Variants in DLG2 observed in about 807,000 individuals in gnomAD.
DLG2 encodes disks large homolog 2.
In DLG2, 45 loss-of-function variants were observed where a neutral mutation model predicts 132.5. The ratio of observed to expected loss-of-function variants is 0.34; its 90% CI spans 0.27 to 0.44. The LOEUF is 0.44. Ranked by LOEUF, DLG2 falls within the 20% of genes least tolerant of loss-of-function variation. DLG2 has a pLI of 1.00. For synonymous variants in DLG2, 424 were observed against 419.6 expected, an observed-to-expected ratio of 1.01 and a Z score of -0.13; for missense variants, 1,045 against 1,196.9, an observed-to-expected ratio of 0.87 and a Z score of 1.87.
At chr11:84,347,527 C>T (rs2098544434) in intron 7 of DLG2, among the ~76,000 whole-genome samples, 2 of 152,034 alleles carry the variant, frequency 1.3e-5, no homozygotes, top group Non-Finnish European at 1.5e-5. Flanking sequence ...TAGTCTTTCT[C>T]GCAGCAATGT....
intron 17 of DLG2, among the ~76,000 whole-genome samples, chr11:83,787,864 C>A (rs2040451767): frequency 6.6e-6 from 1 of 152,068 alleles, no homozygotes; most frequent in African/African-American, 2.4e-5. Flanking sequence ...ATCAGTTCAG[C>A]CTAAGTCAAT....
intron 7 of DLG2, among the ~76,000 whole-genome samples, chr11:84,311,166 G>A (rs958570084): frequency 6.6e-6 from 1 of 152,050 alleles, no homozygotes; most frequent in Non-Finnish European, 1.5e-5. Flanking sequence ...CAGTTGCCTA[G>A]CCTAGCCTTC....
At chr11:84,835,793 A>G (rs947910844) in intron 6 of DLG2, among the ~76,000 whole-genome samples, 2 of 151,824 alleles carry the variant, frequency 1.3e-5, no homozygotes, top group Non-Finnish European at 2.9e-5. Flanking sequence ...ATGCTATTTA[A>G]TCAATGAATA....
intron 6 of DLG2, among the ~76,000 whole-genome samples, chr11:84,915,060 T>C (rs1471907491): frequency 6.6e-6 from 1 of 152,192 alleles, no homozygotes; most frequent in African/African-American, 2.4e-5. Flanking sequence ...AGCCCTAGTG[T>C]TGGCTTCTTA....
At chr11:84,959,395 A>G (rs2052188574) in intron 6 of DLG2, among the ~76,000 whole-genome samples, 1 of 152,188 alleles carries the variant, frequency 6.6e-6, no homozygotes, top group Admixed American at 6.5e-5. Context: ...AAAATATAAA[A>G]CAGAGCCCCT....
At chr11:85,171,416 C>A (rs1595052127) in intron 4 of DLG2, among the ~76,000 whole-genome samples, 1 of 152,154 alleles carries the variant, frequency 6.6e-6, no homozygotes, top group East Asian at 1.9e-4. Context: ...ATCAGGAGAT[C>A]CCCTCGTGAG....
chr11:85,331,183 G>A (rs1024099328), intron 3 of DLG2, among the ~76,000 whole-genome samples: 1 of 152,046 alleles, frequency 6.6e-6, no homozygotes, highest in African/African-American at 2.4e-5. Context: ...ATGTTGTCAT[G>A]GCCTATGGAC....
intron 21 of DLG2, among the ~76,000 whole-genome samples, chr11:83,487,614 A>G (rs948856035): frequency 5.9e-5 from 9 of 152,062 alleles, no homozygotes; most frequent in Admixed American, 5.9e-4. Flanking sequence ...ATTTAAAATT[A>G]TTAGTGCTTG....
Position 84,695,170 on chromosome 11 carries a change from C to A in DLG2, c.358-160439G>T, listed in dbSNP as rs528285755. Among the ~76,000 whole-genome samples the A allele has an allele frequency of 4.0e-5, 6 of 151,666 alleles. 1 individual carries two copies. The highest frequency in any genetic ancestry group is 1.4e-4 in the African/African-American group (6 of 41,470). The stretch of plus-strand genomic sequence containing the variant: ...TCCAAGCATTATACATCTACTAGTG[C>A]CCTTTGCACAGTTCTGCAGAATAGG... On this transcript the variant is annotated intron_variant, in intron 6 of 27. Coordinates refer to ENST00000376104, the MANE Select transcript of DLG2 (RefSeq NM_001142699.3).
chr11:85,058,646 A>C (rs903817347), intron 6 of DLG2, among the ~76,000 whole-genome samples: 2 of 151,598 alleles, frequency 1.3e-5, no homozygotes, highest in African/African-American at 4.8e-5. Context: ...CCTTATGTAC[A>C]GTAATTAAGA....
intron 6 of DLG2, among the ~76,000 whole-genome samples, chr11:84,638,405 A>T (rs1423713940): frequency 6.6e-6 from 1 of 152,200 alleles, no homozygotes; most frequent in Non-Finnish European, 1.5e-5. Context: ...GTCCTATGTT[A>T]TCTCATTTAC....
chr11:84,694,525 C>T (rs961929509), intron 6 of DLG2, among the ~76,000 whole-genome samples: 5 of 151,288 alleles, frequency 3.3e-5, no homozygotes, highest in Non-Finnish European at 7.4e-5. Flanking sequence ...GATTGGTAAA[C>T]TAAGGCATAG....
intron 6 of DLG2, among the ~76,000 whole-genome samples, chr11:84,992,979 T>C (rs1198500546): frequency 6.6e-6 from 1 of 152,206 alleles, no homozygotes; most frequent in African/African-American, 2.4e-5. Context: ...TGCACACATA[T>C]ATTTATTGCA....
intron 6 of DLG2, among the ~76,000 whole-genome samples, chr11:84,570,152 C>T (rs1251668588): frequency 6.6e-6 from 1 of 152,200 alleles, no homozygotes; most frequent in Non-Finnish European, 1.5e-5. Flanking sequence ...CCTTCCAGAA[C>T]TAGTCCCTAC....
intron 6 of DLG2, among the ~76,000 whole-genome samples, chr11:85,086,930 G>A (rs1356536065): frequency 6.6e-6 from 1 of 152,116 alleles, no homozygotes; most frequent in Admixed American, 6.5e-5. Flanking sequence ...TAATACGAAA[G>A]CTTAGTACAT....
intron 9 of DLG2, among the ~76,000 whole-genome samples, chr11:84,113,475 G>GTTTTAAGGAAATTAT (rs2093468062): frequency 6.6e-6 from 1 of 152,126 alleles, no homozygotes; most frequent in South Asian, 2.1e-4. Context: ...TGAGATTGTT[G>GTTTTAAGGAAATTAT]TTTTAAGGAA....
chr11:84,508,646 C>T (rs1215184690), intron 7 of DLG2, among the ~76,000 whole-genome samples: 3 of 152,086 alleles, frequency 2.0e-5, no homozygotes, highest in African/African-American at 7.2e-5. Context: ...GTGATCCACT[C>T]GCCTCGGCCT....
chr11:84,585,762 T>A (rs1413532806), intron 6 of DLG2, among the ~76,000 whole-genome samples: 1 of 152,268 alleles, frequency 6.6e-6, no homozygotes, highest in East Asian at 1.9e-4. Context: ...TTTATTTGTA[T>A]TTTACATGGA....
chr11:85,288,636 G>A lies in DLG2; in HGVS notation c.41-3271C>T, dbSNP rs536137418. On this transcript the variant is annotated intron_variant, in intron 3 of 27. Coordinates refer to ENST00000376104, the MANE Select transcript of DLG2 (RefSeq NM_001142699.3). ...TTCATGCCACTGCACTCCAGTCCTG[G>A]TAACAGAACAAGACTCACTTTCAAA... 1.1e-4 allele frequency among the ~76,000 whole-genome samples: 16 copies of A among 151,764 alleles called. No homozygotes were observed. In the East Asian group the frequency reaches 2.1e-3, roughly 20 times the overall value.
Sources: gnomAD v4.1 joint callset for allele counts (sites outside exome capture counted in the v4.1 genomes callset) on GRCh38, gnomAD v4.1.1 for gene constraint, MANE v1.5 for transcripts, NCBI Gene and HGNC (gene_info 2026-07-23, HGNC 2026-07-21) for gene names.